Variants in HSPG2 observed in about 807,000 individuals in gnomAD.
The protein encoded by HSPG2 is basement membrane-specific heparan sulfate proteoglycan core protein.
A neutral mutation model predicts 526.6 loss-of-function variants in HSPG2; 278 were observed. The ratio of observed to expected loss-of-function variants is 0.53; its 90% CI spans 0.48 to 0.58. The LOEUF is 0.58. Ranked by LOEUF, HSPG2 falls within the 20% of genes least tolerant of loss-of-function variation. The probability of loss-of-function intolerance (pLI) is 0.00; values close to 1 mark genes in which losing one functional copy is unlikely to be tolerated. For synonymous variants in HSPG2, 2,465 were observed against 2,555.4 expected, an observed-to-expected ratio of 0.96 and a Z score of 1.07; for missense variants, 5,354 against 6,099.5, an observed-to-expected ratio of 0.88 and a Z score of 4.07.
intron 25 of HSPG2, 177 bp from the exon 26 acceptor site, chr1:21,875,179 C>G (rs1274297922): frequency 1.5e-6 from 1 of 653,076 alleles, no homozygotes; most frequent in African/African-American, 1.8e-5. Flanking sequence ...TTACCTGCAA[C>G]TTACTCCAAA....
In HSPG2 at chr1:21,859,950, G is replaced by A; in HGVS notation, c.5067C>T (p.Pro1689=). The A allele has an allele frequency of 6.2e-7, 1 of 1,610,832 alleles. No homozygotes were observed. Among genetic ancestry groups the A allele is most frequent in the South Asian group, 1.1e-5 (1 of 90,148 alleles). Residue 1689 remains proline (P), a synonymous_variant, in exon 41 of 97, where the codon CCC becomes CCT. Transcript: ENST00000374695. This position sits in a 1 kb window ranked among gnomAD's most constrained non-coding sequence, Gnocchi z 5.3. ...ACCGCAGGGAGTGGGAGCCACCTTGGGGCACTATGCTTCGAGCAGGATGGA... is the reference window on the plus strand; with the variant it reads ...ACCGCAGGGAGTGGGAGCCACCTTGAGGCACTATGCTTCGAGCAGGATGGA... ...VEVHPARSIV[P]QGGSHSLRCQ...
In HSPG2 at chr1:21,848,042, C is replaced by G; in HGVS notation, c.7789G>C (p.Glu2597Gln). 6.2e-7 allele frequency: 1 copy of G among 1,613,364 alleles called. No homozygotes were observed. Among genetic ancestry groups the G allele is most frequent in the Non-Finnish European group, 8.5e-7 (1 of 1,179,954 alleles). ...CCGTTACTGACGTGACACACGTACTCGCCCGAGTCTGCCGGAGTCACCTGA... is the reference window on the plus strand; with the variant it reads ...CCGTTACTGACGTGACACACGTACTGGCCCGAGTCTGCCGGAGTCACCTGA... ...IPQVTPADSGEYVCHVSNGAG... is the reference protein window; with the variant it reads ...IPQVTPADSGQYVCHVSNGAG... The change falls in exon 60 of 97, where the codon GAG (glutamate) becomes CAG (glutamine). Residue 2597 changes from glutamate (E) to glutamine (Q), a missense_variant. By Grantham distance (29) the Glu-to-Gln change is conservative. Transcript: ENST00000374695. This position sits in a 1 kb window ranked among gnomAD's most constrained non-coding sequence, Gnocchi z 4.9.
intron 1 of HSPG2, among the ~76,000 whole-genome samples, chr1:21,925,541 G>A (rs1036947410): frequency 1.3e-5 from 2 of 152,142 alleles, no homozygotes; most frequent in African/African-American, 4.8e-5. Context: ...GGTTCCCAGG[G>A]GTCTCAGTCA....
intron 1 of HSPG2, among the ~76,000 whole-genome samples, chr1:21,896,795 C>T (rs1029470585): frequency 6.6e-6 from 1 of 152,142 alleles, no homozygotes; most frequent in Admixed American, 6.5e-5. Flanking sequence ...CCAGGCAGCT[C>T]CTCCCCAGGC....
chr1:21,848,951 T>G lies in HSPG2; in HGVS notation c.7527A>C (p.Ser2509=), dbSNP rs774290498. Residue 2509 remains serine, a synonymous_variant, in exon 58 of 97, where the codon TCA becomes TCC. Coordinates refer to ENST00000374695, the MANE Select transcript of HSPG2 (RefSeq NM_005529.7). The surrounding 1 kb of genome is among the most constrained non-coding windows in gnomAD (Gnocchi z 4.9). ...GEYVCRVVGS[S]GTQEASVLVT... is the part of the protein sequence containing the mutation. ...CAAGGACTGAGGCTTCCTGGGTACC[T>G]GAGCTGCCGACCACACGGCACACGT... 6.2e-7 allele frequency: 1 copy of G among 1,613,638 alleles called. No individual in the cohort carries two copies. Among genetic ancestry groups the G allele is most frequent in the Non-Finnish European group, 8.5e-7 (1 of 1,179,972 alleles).
In HSPG2 at chr1:21,824,590, C is replaced by T. The variant is rs374870276; in HGVS notation, c.12691G>A (p.Glu4231Lys). The T allele has an allele frequency of 2.2e-5, 36 of 1,613,894 alleles. No individual in the cohort carries two copies. Among genetic ancestry groups the T allele is most frequent in the Middle Eastern group, 1.6e-4 (1 of 6,062 alleles). Residue 4231 changes from glutamate (E) to lysine (K), a missense_variant, in exon 93 of 97, where the codon GAG becomes AAG. Coordinates refer to ENST00000374695, the MANE Select transcript of HSPG2 (RefSeq NM_005529.7). The surrounding 1 kb of genome is among the most constrained non-coding windows in gnomAD (Gnocchi z 5.9). ...RSLPEVPETI[E>K]LEVRTSTASG... is the part of the protein sequence containing the mutation. Reference sequence around the variant, plus strand: ...GCTGTGCTGGTCCGAACCTCCAGCTCGATGGTCTCGGGCACCTCGGGCAGG... The same window carrying T: ...GCTGTGCTGGTCCGAACCTCCAGCTTGATGGTCTCGGGCACCTCGGGCAGG...
At chr1:21,934,949 C>G (rs933219665) in intron 1 of HSPG2, among the ~76,000 whole-genome samples, 3 of 150,074 alleles carry the variant, frequency 2.0e-5, no homozygotes, top group Non-Finnish European at 4.4e-5. Flanking sequence ...CTCTGTCACC[C>G]AGGCTGGAGT....
At position 21,854,912 on chromosome 1, in the gene HSPG2, G is replaced by A; in HGVS notation, c.6069C>T (p.Tyr2023=). The A allele has an allele frequency of 6.2e-7, 1 of 1,614,154 alleles. No individual in the cohort carries two copies. The highest frequency in any genetic ancestry group is 8.5e-7 in the Non-Finnish European group (1 of 1,180,038). ...PAITTADAGF[Y]LCVATSPAGT... ...CTGCAGGGCTGGTGGCCACGCAGAG[G>A]TAGAAGCCGGCGTCAGCAGTCGTGA... Residue 2023 remains tyrosine, a synonymous_variant, in exon 48 of 97, where the codon TAC becomes TAT. Coordinates refer to ENST00000374695, the MANE Select transcript of HSPG2 (RefSeq NM_005529.7).
In HSPG2 at chr1:21,885,400, G is replaced by A; in HGVS notation, c.1130C>T (p.Ser377Phe). ...VCGPTQFRCV[S>F]TNMCIPASFH... ...GCTGGCTGGGATGCACATGTTGGTA[G>A]AGACGCATCGGAACTGTGTGGGCCC... The change falls in exon 10 of 97, where the codon TCT (serine) becomes TTT (phenylalanine). Residue 377 changes from serine to phenylalanine, a missense_variant. Transcript: ENST00000374695. 3.1e-6 allele frequency: 5 copies of A among 1,614,114 alleles called. No homozygotes were observed. Among genetic ancestry groups the A allele is most frequent in the Non-Finnish European group, 4.2e-6 (5 of 1,180,010 alleles).
Position 21,895,371 on chromosome 1 carries a change from A to G in HSPG2, c.244+551T>C, listed in dbSNP as rs1642671859. On this transcript the variant is annotated intron_variant, in intron 3 of 96. Transcript: ENST00000374695. This position sits in a 1 kb window ranked among gnomAD's most constrained non-coding sequence, Gnocchi z 4.1. ...GTGGGGGCTGACTCTCCTCCCTCCAAGAGCCTAGCCTTGCCTCCCTAAGCT... is the reference window on the plus strand; with the variant it reads ...GTGGGGGCTGACTCTCCTCCCTCCAGGAGCCTAGCCTTGCCTCCCTAAGCT... 6.6e-6 allele frequency among the ~76,000 whole-genome samples: 1 copy of G among 152,150 alleles called. No homozygotes were observed. Among genetic ancestry groups the G allele is most frequent in the Admixed American group, 6.5e-5 (1 of 15,284 alleles).
In HSPG2 at chr1:21,880,787, C is replaced by T. The variant is rs1452862288; in HGVS notation, c.1867G>A (p.Ala623Thr). 1.3e-6 allele frequency: 2 copies of T among 1,598,880 alleles called. No individual in the cohort carries two copies. The highest frequency in any genetic ancestry group is 1.7e-6 in the Non-Finnish European group (2 of 1,173,600). Residue 623 changes from alanine (A) to threonine (T), a missense_variant, in exon 15 of 97, where the codon GCC becomes ACC. By Grantham distance (58) the Ala-to-Thr change is moderately conservative (BLOSUM62 0). Coordinates refer to ENST00000374695, the MANE Select transcript of HSPG2 (RefSeq NM_005529.7). ...SLRYNVRYEL[A>T]RGMLEPVQRP... Reference sequence around the variant, plus strand: ...TGCACTGGCTCCAGCATGCCACGGGCCAACTCGTAGCGCACGTTGTAACGC... The same window carrying T: ...TGCACTGGCTCCAGCATGCCACGGGTCAACTCGTAGCGCACGTTGTAACGC...
chr1:21,838,938 C>T lies in HSPG2; in HGVS notation c.10037G>A (p.Arg3346Lys). 1.9e-6 allele frequency: 3 copies of T among 1,612,464 alleles called. No homozygotes were observed. ...ACGCTCAAAGTGCAGCAGCTCGTTC[C>T]TGGCGGTCGCCCTCCCAGGAAGGCT... ...GSSLPGRATA[R>K]NELLHFERAA... The change falls in exon 74 of 97, where the codon AGG becomes AAG. Residue 3346 changes from arginine (R) to lysine (K), a missense_variant. Physicochemically the swap from Arg to Lys is conservative, Grantham distance 26. Coordinates refer to ENST00000374695, the MANE Select transcript of HSPG2 (RefSeq NM_005529.7).
chr1:21,842,355 T>A lies in HSPG2; in HGVS notation c.8936A>T (p.His2979Leu), dbSNP rs1020696012. 6.2e-7 allele frequency: 1 copy of A among 1,609,208 alleles called. No individual in the cohort carries two copies. Among genetic ancestry groups the A allele is most frequent in the African/African-American group, 1.3e-5 (1 of 74,926 alleles). Residue 2979 changes from histidine to leucine, a missense_variant, in exon 68 of 97, where the codon CAC becomes CTC. By Grantham distance (99) the His-to-Leu change is moderately conservative (BLOSUM62 -3). Coordinates refer to ENST00000374695, the MANE Select transcript of HSPG2 (RefSeq NM_005529.7). ...HQTHGSQLRL[H>L]LVSPADSGEY... ...GCCTGAGTCGGCAGGGGAGACGAGGTGGAGCCGCAGCTGGGAGCCATGGGT... is the reference window on the plus strand; with the variant it reads ...GCCTGAGTCGGCAGGGGAGACGAGGAGGAGCCGCAGCTGGGAGCCATGGGT...
rs1297130328 is a variant in HSPG2, at chr1:21,824,732, C to T, written c.12637G>A (p.Ala4213Thr). Residue 4213 changes from alanine to threonine, a missense_variant, in exon 92 of 97, where the codon GCC becomes ACC. Physicochemically the swap from Ala to Thr is moderately conservative, Grantham distance 58 (BLOSUM62 0). Transcript: ENST00000374695. The surrounding 1 kb of genome is among the most constrained non-coding windows in gnomAD (Gnocchi z 5.9). ...GAYFHDDGFL[A>T]FPGHVFSRSL... ...CTGGAGAAGACATGGCCAGGGAAGG[C>T]GAGGAAGCCATCATCGTGGAAATAG... 25 of 1,613,516 alleles carry T rather than the reference C, an allele frequency of 1.5e-5. No homozygotes were observed. The highest frequency in any genetic ancestry group is 2.1e-5 in the Non-Finnish European group (25 of 1,179,824).
chr1:21,844,619 C>T (rs1638279592), intron 64 of HSPG2, among the ~76,000 whole-genome samples: 2 of 152,218 alleles, frequency 1.3e-5, no homozygotes, highest in African/African-American at 4.8e-5. Context: ...TAGAATGTGG[C>T]TAAGAACCCA....
intron 3 of HSPG2, among the ~76,000 whole-genome samples, chr1:21,892,887 A>G (rs1486507702): frequency 6.7e-6 from 1 of 149,104 alleles, no homozygotes; most frequent in South Asian, 2.1e-4. Context: ...AAAAGAAAAG[A>G]AAAGGAAAAA....
intron 1 of HSPG2, among the ~76,000 whole-genome samples, chr1:21,918,467 TAAA>T (rs36108181): frequency 2.8e-5 from 3 of 108,204 alleles, no homozygotes. Context: ...TCTGTGGGAA[TAAA>T]AAAAAAAAAA....
In HSPG2 at chr1:21,904,528, C is replaced by A. The variant is rs1643268680; in HGVS notation, c.64-8218G>T. ...CACAGAGGCCAAGTCTCCCCTGTAC[C>A]CCCAGAGTCCCTGCACTCTCCTCCG... On this transcript the variant is annotated intron_variant, in intron 1 of 96. Coordinates refer to ENST00000374695, the MANE Select transcript of HSPG2 (RefSeq NM_005529.7). The surrounding 1 kb of genome is among the most constrained non-coding windows in gnomAD (Gnocchi z 4.4). 6.6e-6 allele frequency among the ~76,000 whole-genome samples: 1 copy of A among 152,158 alleles called. No homozygotes were observed. Among genetic ancestry groups the A allele is most frequent in the African/African-American group, 2.4e-5 (1 of 41,448 alleles).
intron 6 of HSPG2, chr1:21,888,537 C>G (rs895733684): frequency 2.0e-6 from 1 of 500,900 alleles, no homozygotes; most frequent in African/African-American, 2.0e-5. Flanking sequence ...AACTCTTTGC[C>G]TCAAGCAATC....
Sources: allele counts gnomAD v4.1 joint callset (sites outside exome capture counted in the v4.1 genomes callset), GRCh38; gene constraint gnomAD v4.1.1; non-coding constraint Gnocchi (gnomAD v3.1); transcripts MANE v1.5; gene names NCBI Gene and HGNC (gene_info 2026-07-23, HGNC 2026-07-21).